Variants in NOS1 observed in about 807,000 individuals in gnomAD.
The protein encoded by NOS1 is NOS type I.
NOS1 carries 51 observed loss-of-function variants against 164.5 expected under a neutral mutation model. That is an observed-to-expected ratio of 0.31 (90% CI 0.25 to 0.39). The LOEUF is 0.39. NOS1 is among the 10% of genes least tolerant of loss of function. NOS1 has a pLI of 1.00. For synonymous variants in NOS1, 719 were observed against 745.8 expected, an observed-to-expected ratio of 0.96 and a Z score of 0.59; for missense variants, 1,362 against 1,885.6, an observed-to-expected ratio of 0.72 and a Z score of 5.14.
rs1481697950 is a variant in NOS1, at chr12:117,214,379, T to G, written c.*930A>C. On this transcript the variant is annotated 3_prime_UTR_variant, in exon 29 of 29. Transcript: ENST00000317775. The stretch of plus-strand genomic sequence containing the variant: ...GATCCTTATTGCCACCAGGCTTCTT[T>G]GAACAACATAACTTCCAGGCCCCTT... The G allele has an allele frequency of 1.0e-6, 1 of 985,134 alleles. No homozygotes were observed. Among genetic ancestry groups the G allele is most frequent in the Admixed American group, 6.2e-5 (1 of 16,250 alleles). The allele number at this position is 985,134 out of a possible 1,614,324, so 61.0% of individuals were successfully genotyped here. A position where few individuals can be genotyped will look rare whatever the true frequency, so the allele number is the denominator to read the frequency against.
intron 18 of NOS1, among the ~76,000 whole-genome samples, chr12:117,246,527 G>A (rs1420402894): frequency 3.3e-5 from 5 of 152,002 alleles, no homozygotes; most frequent in Non-Finnish European, 7.4e-5. Context: ...GTGGCATGTC[G>A]AACGTCCACA....
At chr12:117,269,353 T>A (rs574093635) in intron 10 of NOS1, among the ~76,000 whole-genome samples, 1 of 151,832 alleles carries the variant, frequency 6.6e-6, no homozygotes, top group South Asian at 2.1e-4. Context: ...TAAGGGGTAA[T>A]TGGTGGGAGT....
chr12:117,262,880 G>A (rs1872053778), intron 13 of NOS1, among the ~76,000 whole-genome samples: 1 of 152,080 alleles, frequency 6.6e-6, no homozygotes, highest in Non-Finnish European at 1.5e-5. Flanking sequence ...TCACTCCTCA[G>A]TAGTCTCAGG....
At chr12:117,222,891 C>T (rs778021572) in intron 25 of NOS1, 28 bp from the exon 26 acceptor site, 15 of 1,606,784 alleles carry the variant, frequency 9.3e-6, no homozygotes, top group Admixed American at 5.1e-5. Flanking sequence ...CTTATGTCAC[C>T]GATGGCTCTC....
At chr12:117,316,032 A>C (rs1420535769) in intron 2 of NOS1, among the ~76,000 whole-genome samples, 1 of 152,222 alleles carries the variant, frequency 6.6e-6, no homozygotes, top group Non-Finnish European at 1.5e-5. Context: ...CACTAGACAC[A>C]TGTGGCAATT....
At chr12:117,273,743 A>G (rs1478026123) in intron 9 of NOS1, among the ~76,000 whole-genome samples, 4 of 152,204 alleles carry the variant, frequency 2.6e-5, no homozygotes, top group African/African-American at 9.6e-5. Flanking sequence ...CTACACTTGT[A>G]TGACACCTCG....
chr12:117,208,937 G>A lies in NOS1; in HGVS notation c.*6372C>T. 1.3e-6 allele frequency: 1 copy of A among 743,972 alleles called. No homozygotes were observed. Among genetic ancestry groups the A allele is most frequent in the Non-Finnish European group, 1.6e-6 (1 of 609,300 alleles). 46.1% of individuals were successfully genotyped at this position (743,972 alleles called of 1,614,324 possible). On this transcript the variant is annotated 3_prime_UTR_variant, in exon 29 of 29. Transcript: ENST00000317775. ...GAGGTTTTGCCATGTTAGCCAGGTT[G>A]GTCTCTAACTCCCAGCCTCAAGTGA...
Position 117,221,818 on chromosome 12 carries a change from ATTTTTTTT to A in NOS1, c.3975+889_3975+896del, listed in dbSNP as rs3070338. 1.8e-3 allele frequency among the ~76,000 whole-genome samples: 197 copies of A among 111,562 alleles called. 1 individual carries two copies. Among genetic ancestry groups the A allele is most frequent in the African/African-American group, 5.6e-3 (153 of 27,390 alleles). The allele number at this position is 111,562 out of a possible 152,430, so 73.2% of individuals were successfully genotyped here. On this transcript the variant is annotated intron_variant, in intron 26 of 28. Transcript: ENST00000317775. Reference sequence around the variant, plus strand: ...ACGCCACCACGCCCAGCTAACTTAAATTTTTTTTTTTTTTTTTTTTTTGTAAGGACAGG... The same window carrying A: ...ACGCCACCACGCCCAGCTAACTTAAATTTTTTTTTTTTTTGTAAGGACAGG...
At chr12:117,280,434 C>T (rs773761231) in intron 8 of NOS1, among the ~76,000 whole-genome samples, 119 of 152,126 alleles carry the variant, frequency 7.8e-4, no homozygotes, top group Non-Finnish European at 1.3e-3. Context: ...ACTCATTTGG[C>T]AGTCTTGAGT....
chr12:117,344,530 C>T (rs943512735), intron 1 of NOS1, among the ~76,000 whole-genome samples: 6 of 152,152 alleles, frequency 3.9e-5, no homozygotes, highest in African/African-American at 1.4e-4. Context: ...GGCTCAAAGA[C>T]ATTAAGTCAT....
At chr12:117,294,521 T>C (rs1366769188) in intron 3 of NOS1, among the ~76,000 whole-genome samples, 1 of 152,164 alleles carries the variant, frequency 6.6e-6, no homozygotes, top group East Asian at 1.9e-4. Flanking sequence ...CTGGCAGGGC[T>C]GTTGTACTTG....
chr12:117,337,647 C>T (rs989163644), intron 1 of NOS1, among the ~76,000 whole-genome samples: 34 of 152,146 alleles, frequency 2.2e-4, no homozygotes, highest in African/African-American at 8.2e-4. Context: ...GCAAATATCA[C>T]GTCACCTTTT....
chr12:117,358,354 G>A (rs141375319), intron 1 of NOS1, among the ~76,000 whole-genome samples: 183 of 152,212 alleles, frequency 1.2e-3, no homozygotes, highest in African/African-American at 4.0e-3. Flanking sequence ...TTCTCCGTGC[G>A]GTCCTTCCCC....
At chr12:117,342,273 A>C (rs774773102) in intron 1 of NOS1, among the ~76,000 whole-genome samples, 7 of 152,170 alleles carry the variant, frequency 4.6e-5, no homozygotes, top group African/African-American at 9.7e-5. Context: ...GATAAGATAG[A>C]CAGCATCCCT....
intron 17 of NOS1, among the ~76,000 whole-genome samples, chr12:117,251,601 T>C (rs1266314116): frequency 6.6e-6 from 1 of 151,862 alleles, no homozygotes; most frequent in Non-Finnish European, 1.5e-5. Flanking sequence ...TTTTCATTTT[T>C]TTTTTTTTTT....
chr12:117,287,021 C>T (rs548495799), intron 5 of NOS1, among the ~76,000 whole-genome samples: 1 of 152,252 alleles, frequency 6.6e-6, no homozygotes, highest in African/African-American at 2.4e-5. Context: ...TTGAGACCAG[C>T]CTGGCCAACA....
intron 24 of NOS1, among the ~76,000 whole-genome samples, chr12:117,225,711 C>A (rs891715054): frequency 6.6e-6 from 1 of 152,088 alleles, no homozygotes; most frequent in Non-Finnish European, 1.5e-5. Flanking sequence ...CACTGCACTC[C>A]ACTTCCCAGG....
chr12:117,285,309 G>A lies in NOS1; in HGVS notation c.1314C>T (p.Thr438=). The change falls in exon 7 of 29, where the codon ACC becomes ACT. Residue 438 remains threonine, a synonymous_variant. Transcript: ENST00000317775. ...KLQVFDARDC[T]TAHGMFNYIC... ...TGTAGTTGAACATCCCGTGGGCCGT[G>A]GTGCAGTCACGGGCATCGAATACCT... The A allele has an allele frequency of 3.1e-6, 5 of 1,610,550 alleles. No homozygotes were observed. The highest frequency in any genetic ancestry group is 4.2e-6 in the Non-Finnish European group (5 of 1,177,844).
chr12:117,334,401 GCTT>G (rs915611309), intron 1 of NOS1, among the ~76,000 whole-genome samples: 5 of 152,168 alleles, frequency 3.3e-5, no homozygotes, highest in African/African-American at 9.6e-5. Context: ...CTGTCAATTA[GCTT>G]CTTTTTTTTT....
Sources: gnomAD v4.1 joint callset for allele counts (sites outside exome capture counted in the v4.1 genomes callset) on GRCh38, gnomAD v4.1.1 for gene constraint, MANE v1.5 for transcripts, NCBI Gene and HGNC (gene_info 2026-07-23, HGNC 2026-07-21) for gene names.